The following SENP7 variants were observed in gnomAD, a reference collection of about 807,000 sequenced individuals.
SENP7 encodes the protein SUMO specific peptidase 7.
In SENP7, 64 loss-of-function variants were observed where a neutral mutation model predicts 141.2. The observed-to-expected ratio is 0.45, with a 90% confidence interval of 0.37 to 0.56. SENP7 has a LOEUF of 0.56. Ranked by LOEUF, SENP7 falls within the 20% of genes least tolerant of loss-of-function variation. SENP7 has a pLI of 0.00. For synonymous variants in SENP7, 382 were observed against 426.4 expected (o/e 0.90, Z 1.28); for missense variants, 1,025 against 1,212.2 (o/e 0.85, Z 2.29).
At chr3:101,511,819 T>G (rs28565548) in intron 1 of SENP7, among the ~76,000 whole-genome samples, 102,681 of 151,494 alleles carry the variant, frequency 0.68, 35,208 homozygotes, top group African/African-American at 0.77. Context: ...TTGTTTTTTT[T>G]TTGTTGTTGT....
intron 4 of SENP7, among the ~76,000 whole-genome samples, chr3:101,438,322 T>C (rs1369720931): frequency 6.6e-6 from 1 of 152,202 alleles, no homozygotes; most frequent in African/African-American, 2.4e-5. Context: ...TAAGTGAAAT[T>C]AGCTAGTCAC....
chr3:101,439,985 TG>T (rs2062589281), intron 4 of SENP7, among the ~76,000 whole-genome samples: 4 of 67,774 alleles, frequency 5.9e-5, no homozygotes, highest in Non-Finnish European at 1.4e-4. Flanking sequence ...CCGCCCCGTC[TG>T]GGAGGTGAGG....
chr3:101,428,389 C>T (rs951021627), intron 4 of SENP7, among the ~76,000 whole-genome samples: 1 of 152,228 alleles, frequency 6.6e-6, no homozygotes, highest in Non-Finnish European at 1.5e-5. Flanking sequence ...GATCACCATT[C>T]TAACTGGCGT....
intron 3 of SENP7, among the ~76,000 whole-genome samples, chr3:101,463,374 T>TATATATATATATATATATATAC (rs2063627291): frequency 1.2e-5 from 1 of 85,986 alleles, no homozygotes; most frequent in Non-Finnish European, 2.2e-5. Context: ...AATATATATA[T>TATATATATATATATATATATAC]ATATATATAT....
At chr3:101,401,096 C>CA (rs36081020) in intron 5 of SENP7, among the ~76,000 whole-genome samples, 10,090 of 130,260 alleles carry the variant, frequency 0.077, 425 homozygotes, top group Non-Finnish European at 0.1. Context: ...GTCCTTGTCT[C>CA]AAAAAAAAAA....
intron 23 of SENP7, among the ~76,000 whole-genome samples, chr3:101,326,807 A>C (rs1469255819): frequency 6.6e-6 from 1 of 151,860 alleles, no homozygotes; most frequent in African/African-American, 2.4e-5. Context: ...TCTTGCTGGG[A>C]CTCCAGTAAC....
Position 101,340,218 on chromosome 3 carries a change from A to G in SENP7, c.2241-7T>C. On this transcript the variant is annotated splice_region_variant and splice_polypyrimidine_tract_variant and intron_variant, in intron 15 of 23. Transcript: ENST00000394095. ...TGGAGGATATACAATCAACCTTAAA[A>G]GTAAAAATAAAGTTAACATATACTG... The G allele has an allele frequency of 6.3e-7, 1 of 1,579,570 alleles. No individual in the cohort carries two copies. Among genetic ancestry groups the G allele is most frequent in the African/African-American group, 1.4e-5 (1 of 73,166 alleles).
chr3:101,459,891 A>C (rs2063493937), intron 3 of SENP7, among the ~76,000 whole-genome samples: 1 of 152,214 alleles, frequency 6.6e-6, no homozygotes, highest in African/African-American at 2.4e-5. Context: ...ATTTAATAGC[A>C]ATGAGAAATC....
At chr3:101,422,532 G>A (rs886516321) in intron 4 of SENP7, among the ~76,000 whole-genome samples, 2 of 152,148 alleles carry the variant, frequency 1.3e-5, no homozygotes, top group African/African-American at 4.8e-5. Context: ...GCTAAACAGA[G>A]AACTCCACCT....
chr3:101,411,496 G>C (rs1468167403), intron 5 of SENP7, among the ~76,000 whole-genome samples: 1 of 152,162 alleles, frequency 6.6e-6, no homozygotes, highest in Non-Finnish European at 1.5e-5. Flanking sequence ...AACTTATCCA[G>C]TTTGGGTACC....
chr3:101,460,412 T>C (rs2063507776), intron 3 of SENP7, among the ~76,000 whole-genome samples: 1 of 152,182 alleles, frequency 6.6e-6, no homozygotes, highest in Non-Finnish European at 1.5e-5. Flanking sequence ...CAATAATTGA[T>C]TTTCAGCAAG....
chr3:101,414,954 T>C (rs180696339), intron 5 of SENP7, among the ~76,000 whole-genome samples: 2 of 152,252 alleles, frequency 1.3e-5, no homozygotes, highest in Admixed American at 6.5e-5. Context: ...CAGACTCTTC[T>C]TACTACACAG....
At chr3:101,479,612 A>G (rs1003858715) in intron 3 of SENP7, among the ~76,000 whole-genome samples, 1 of 151,676 alleles carries the variant, frequency 6.6e-6, no homozygotes, top group Admixed American at 6.6e-5. Context: ...GTGTCAAAAA[A>G]AAAAAAGAAA....
At chr3:101,367,168 C>T (rs930450326) in intron 8 of SENP7, among the ~76,000 whole-genome samples, 1 of 152,068 alleles carries the variant, frequency 6.6e-6, no homozygotes, top group Non-Finnish European at 1.5e-5. Flanking sequence ...AATATAACAA[C>T]ATTAAAAATT....
intron 6 of SENP7, among the ~76,000 whole-genome samples, chr3:101,385,079 A>G (rs987985488): frequency 1.3e-5 from 2 of 152,202 alleles, no homozygotes; most frequent in Non-Finnish European, 2.9e-5. Flanking sequence ...GTAACACCTA[A>G]TCTTGTTAGA....
intron 1 of SENP7, among the ~76,000 whole-genome samples, chr3:101,511,595 A>T (rs1159575978): frequency 6.6e-6 from 1 of 152,202 alleles, no homozygotes; most frequent in African/African-American, 2.4e-5. Context: ...TATCATTTAT[A>T]CATGTGCTTT....
At chr3:101,463,840 T>C (rs1448056246) in intron 3 of SENP7, among the ~76,000 whole-genome samples, 2 of 152,112 alleles carry the variant, frequency 1.3e-5, no homozygotes, top group South Asian at 2.1e-4. Flanking sequence ...ATTTATTTAT[T>C]TGAGATGGAG....
intron 3 of SENP7, among the ~76,000 whole-genome samples, chr3:101,491,948 C>T (rs554536262): frequency 2.6e-5 from 4 of 152,246 alleles, no homozygotes; most frequent in East Asian, 1.9e-4. Flanking sequence ...CAAAATTAGC[C>T]GGGCGTGGTG....
intron 11 of SENP7, chr3:101,357,714 A>C: frequency 1.4e-6 from 1 of 691,254 alleles, no homozygotes; most frequent in Admixed American, 2.2e-5. Flanking sequence ...GTCTCTCATA[A>C]ATTTTCAAAG....
Sources: allele counts gnomAD v4.1 joint callset (sites outside exome capture counted in the v4.1 genomes callset), GRCh38; gene constraint gnomAD v4.1.1; transcripts MANE v1.5; gene names NCBI Gene and HGNC (gene_info 2026-07-23, HGNC 2026-07-21).